PAPPA2: variants seen among roughly 807,000 people sequenced by gnomAD.
PAPPA2 encodes pappalysin 2, also known as pappalysin-2.
In PAPPA2, 86 loss-of-function variants were observed where a neutral mutation model predicts 176.4. That is an observed-to-expected ratio of 0.49 (90% CI 0.41 to 0.58). PAPPA2 has a LOEUF of 0.58. Among genes scored for constraint, PAPPA2 ranks in the 20% least tolerant of loss-of-function variants. The probability of loss-of-function intolerance (pLI) is 0.00; values close to 1 mark genes in which losing one functional copy is unlikely to be tolerated. For synonymous variants in PAPPA2, 809 were observed against 852.2 expected, an observed-to-expected ratio of 0.95 and a Z score of 0.88; for missense variants, 2,073 against 2,256.9, an observed-to-expected ratio of 0.92 and a Z score of 1.65.
At position 176,501,987 on chromosome 1, in the gene PAPPA2, A is replaced by G. The variant is rs139902611; in HGVS notation, c.-917+38569A>G. On this transcript the variant is annotated intron_variant, in intron 1 of 22. Transcript: ENST00000367662. ...TATGGAATACATGAGTGAAAAAACA[A>G]TGAACATAGACTAACACAAAGAATA... 4.3e-3 allele frequency among the ~76,000 whole-genome samples: 657 copies of G among 152,342 alleles called. 4 individuals are homozygous for G. Among genetic ancestry groups the G allele is most frequent in the African/African-American group, 0.015 (633 of 41,564 alleles).
chr1:176,820,463 A>G (rs1238590783), intron 21 of PAPPA2, among the ~76,000 whole-genome samples: 2 of 152,174 alleles, frequency 1.3e-5, no homozygotes, highest in African/African-American at 4.8e-5. Flanking sequence ...ATTTCAGAAT[A>G]GGGAGACTGG....
intron 12 of PAPPA2, among the ~76,000 whole-genome samples, chr1:176,712,942 T>C (rs946398330): frequency 3.3e-5 from 5 of 152,232 alleles, no homozygotes; most frequent in African/African-American, 1.2e-4. Context: ...GAGGCTTTCA[T>C]ATGTGTATCA....
chr1:176,773,061 G>A (rs1664304595), intron 17 of PAPPA2, among the ~76,000 whole-genome samples: 1 of 152,062 alleles, frequency 6.6e-6, no homozygotes, highest in South Asian at 2.1e-4. Flanking sequence ...CAGAACTCTG[G>A]GTGGAGTTCT....
chr1:176,505,377 T>A (rs1049054688), intron 1 of PAPPA2, among the ~76,000 whole-genome samples: 1 of 152,072 alleles, frequency 6.6e-6, no homozygotes, highest in Non-Finnish European at 1.5e-5. Flanking sequence ...TATAAACGAC[T>A]AAAACAACTG....
At chr1:176,727,496 T>C (rs979365532) in intron 12 of PAPPA2, among the ~76,000 whole-genome samples, 1 of 152,048 alleles carries the variant, frequency 6.6e-6, no homozygotes, top group African/African-American at 2.4e-5. Context: ...TAGGTTAATT[T>C]CTAAAATAGA....
At chr1:176,464,796 A>G (rs1651538739) in intron 1 of PAPPA2, among the ~76,000 whole-genome samples, 1 of 152,172 alleles carries the variant, frequency 6.6e-6, no homozygotes, top group Non-Finnish European at 1.5e-5. Flanking sequence ...TAGTTTTTTA[A>G]TTATAAAAAT....
chr1:176,582,955 A>G (rs938370270), intron 2 of PAPPA2, among the ~76,000 whole-genome samples: 2 of 152,108 alleles, frequency 1.3e-5, no homozygotes, highest in South Asian at 4.1e-4. Context: ...TTCAAGTTTT[A>G]TATCTCTTCT....
chr1:176,465,832 G>T (rs1301404410), intron 1 of PAPPA2, among the ~76,000 whole-genome samples: 1 of 151,836 alleles, frequency 6.6e-6, no homozygotes, highest in African/African-American at 2.4e-5. Context: ...AGTGTGTGTT[G>T]TTCCCCTCTA....
intron 14 of PAPPA2, among the ~76,000 whole-genome samples, chr1:176,761,779 C>T (rs2102901127): frequency 6.6e-6 from 1 of 152,258 alleles, no homozygotes; most frequent in South Asian, 2.1e-4. Context: ...CAGCCAGTCT[C>T]CAAACAGCTT....
In PAPPA2 at chr1:176,683,432, C is replaced by T. The variant is rs190448696; in HGVS notation, c.2138-6705C>T. On this transcript the variant is annotated intron_variant, in intron 4 of 22. Transcript: ENST00000367662. ...CATGTACAAGTTGATGGTATTGGGA[C>T]GCATTGGGTTCAAGTCTTGGCATAC... 4.6e-5 allele frequency among the ~76,000 whole-genome samples: 7 copies of T among 152,274 alleles called. No homozygotes were observed. In the East Asian group the frequency reaches 9.6e-4, roughly 21 times the overall value.
intron 3 of PAPPA2, among the ~76,000 whole-genome samples, chr1:176,664,373 C>A (rs974042275): frequency 2.0e-5 from 3 of 152,174 alleles, no homozygotes; most frequent in African/African-American, 7.2e-5. Flanking sequence ...GGGCCCCTTC[C>A]TCCTTCTTCA....
At chr1:176,711,673 A>C (rs1661152453) in intron 11 of PAPPA2, among the ~76,000 whole-genome samples, 162 bp from the exon 12 acceptor site, 1 of 152,208 alleles carries the variant, frequency 6.6e-6, no homozygotes, top group Admixed American at 6.5e-5. Context: ...TAAAGAGAGC[A>C]CTGAGAAATT....
intron 1 of PAPPA2, among the ~76,000 whole-genome samples, chr1:176,517,539 G>T (rs1232576187): frequency 6.6e-6 from 1 of 152,172 alleles, no homozygotes; most frequent in Non-Finnish European, 1.5e-5. Flanking sequence ...TTCTCAGGCA[G>T]GAGGTGTTTA....
chr1:176,737,466 G>C (rs569654333), intron 12 of PAPPA2, among the ~76,000 whole-genome samples: 48 of 152,182 alleles, frequency 3.2e-4, no homozygotes, highest in African/African-American at 1.1e-3. Flanking sequence ...GTGAACATAC[G>C]TGGGGTCCGA....
At chr1:176,725,218 A>C (rs1355528077) in intron 12 of PAPPA2, among the ~76,000 whole-genome samples, 1 of 152,222 alleles carries the variant, frequency 6.6e-6, no homozygotes, top group African/African-American at 2.4e-5. Context: ...TTCATGTTTA[A>C]AGTTTTTTTA....
intron 3 of PAPPA2, among the ~76,000 whole-genome samples, chr1:176,632,230 TGTGTGTG>T (rs1455708152): frequency 1.5e-5 from 1 of 68,864 alleles, no homozygotes; most frequent in East Asian, 2.5e-4. Context: ...TTAGTAGTGA[TGTGTGTG>T]TGTGTGTGTG....
At chr1:176,780,496 A>G (rs1040076234) in intron 17 of PAPPA2, among the ~76,000 whole-genome samples, 1 of 152,076 alleles carries the variant, frequency 6.6e-6, no homozygotes, top group East Asian at 1.9e-4. Flanking sequence ...CCATTTCTCC[A>G]TTTACAGTTT....
chr1:176,609,414 A>G (rs147268213), intron 3 of PAPPA2, among the ~76,000 whole-genome samples: 26 of 114,514 alleles, frequency 2.3e-4, no homozygotes, highest in Non-Finnish European at 4.1e-4. Context: ...GTGTAGATCA[A>G]AGGCCAGACA....
intron 3 of PAPPA2, among the ~76,000 whole-genome samples, chr1:176,641,806 C>G (rs1657108541): frequency 6.6e-6 from 1 of 151,956 alleles, no homozygotes; most frequent in African/African-American, 2.4e-5. Flanking sequence ...ATAGTCTGAA[C>G]CAGCCTCATC....
Sources: allele counts gnomAD v4.1 joint callset (sites outside exome capture counted in the v4.1 genomes callset), GRCh38; gene constraint gnomAD v4.1.1; transcripts MANE v1.5; gene names NCBI Gene and HGNC (gene_info 2026-07-23, HGNC 2026-07-21).